Variants in PDS5B observed in about 807,000 individuals in gnomAD.
PDS5B encodes the protein PDS5 cohesin associated factor B, also known as sister chromatid cohesion protein PDS5 homolog B.
A neutral mutation model predicts 184.1 loss-of-function variants in PDS5B; 51 were observed. That is an observed-to-expected ratio of 0.28 (90% confidence interval 0.22 to 0.35). The LOEUF (loss-of-function observed/expected upper bound fraction) is 0.35, where lower values mean the gene tolerates loss of function less well. Among genes scored for constraint, PDS5B ranks in the 10% least tolerant of loss-of-function variants. The pLI, the probability that PDS5B is intolerant of heterozygous loss-of-function variation, is 1.00. For missense variants in PDS5B, 1,180 were observed against 1,723.3 expected, an observed-to-expected ratio of 0.68 and a Z score of 5.58; for synonymous variants, 566 against 569.2, an observed-to-expected ratio of 0.99 and a Z score of 0.08.
At chr13:32,690,559 A>G (rs1951520599) in intron 13 of PDS5B, 1 of 152,200 alleles carries the variant, frequency 6.6e-6, no homozygotes, top group Non-Finnish European at 1.5e-5. Flanking sequence ...ACAGAGGAAC[A>G]AAAAATAATT....
At chr13:32,665,715 TAA>T (rs983337329) in intron 6 of PDS5B, among the ~76,000 whole-genome samples, 11 of 151,766 alleles carry the variant, frequency 7.2e-5, no homozygotes, top group African/African-American at 2.7e-4. Flanking sequence ...TTGATTACAT[TAA>T]AAATAAAAGC....
In PDS5B at chr13:32,610,834, G is replaced by C. The variant is rs147398645; in HGVS notation, c.-20+24241G>C. Among the ~76,000 whole-genome samples, 27 of 152,076 alleles carry C rather than the reference G, an allele frequency of 1.8e-4. 1 individual carries two copies. The highest frequency in any genetic ancestry group is 6.3e-4 in the African/African-American group (26 of 41,476). Reference sequence around the variant, plus strand: ...TGGTGAGGATGAAATGAATTAATACGTATTAAGTGGTTAGAATTTTGAGCA... The same window carrying C: ...TGGTGAGGATGAAATGAATTAATACCTATTAAGTGGTTAGAATTTTGAGCA... On this transcript the variant is annotated intron_variant, in intron 1 of 34. Transcript: ENST00000315596.
At chr13:32,763,613 G>T (rs939494753) in intron 30 of PDS5B, 9 of 151,958 alleles carry the variant, frequency 5.9e-5, no homozygotes, top group African/African-American at 2.2e-4. Context: ...GATGTGAACA[G>T]TTAGGGAAAG....
chr13:32,629,923 A>G (rs991329924), intron 1 of PDS5B, among the ~76,000 whole-genome samples: 3 of 152,212 alleles, frequency 2.0e-5, no homozygotes, highest in African/African-American at 2.4e-5. Context: ...CTTTCAGCAA[A>G]TTCAGTGACT....
intron 1 of PDS5B, among the ~76,000 whole-genome samples, chr13:32,590,779 GT>G (rs1207601582): frequency 6.6e-6 from 1 of 152,092 alleles, no homozygotes; most frequent in African/African-American, 2.4e-5. Context: ...GGTAGTTTCA[GT>G]TAGCTTTCAG....
intron 1 of PDS5B, among the ~76,000 whole-genome samples, chr13:32,592,318 G>C (rs986967064): frequency 6.7e-6 from 1 of 149,380 alleles, no homozygotes; most frequent in Non-Finnish European, 1.5e-5. Context: ...GCAGTGGTGT[G>C]ATCTCGGCTC....
intron 25 of PDS5B, among the ~76,000 whole-genome samples, chr13:32,754,675 TAATC>T (rs1388158473): frequency 9.2e-5 from 14 of 152,160 alleles, no homozygotes; most frequent in Non-Finnish European, 1.0e-4. Context: ...GCAGATTACT[TAATC>T]ATTTGTGCCC....
At chr13:32,726,734 C>T (rs1018168350) in intron 19 of PDS5B, among the ~76,000 whole-genome samples, 1 of 151,994 alleles carries the variant, frequency 6.6e-6, no homozygotes, top group Non-Finnish European at 1.5e-5. Flanking sequence ...CATTTTTAGT[C>T]TTCCTGGGAC....
intron 19 of PDS5B, among the ~76,000 whole-genome samples, chr13:32,714,555 T>C (rs1223955971): frequency 6.6e-6 from 1 of 152,104 alleles, no homozygotes; most frequent in Non-Finnish European, 1.5e-5. Context: ...CAGGCGCACC[T>C]GGGGGGGCTG....
chr13:32,661,202 G>A (rs1218003356), intron 6 of PDS5B, among the ~76,000 whole-genome samples: 12 of 151,794 alleles, frequency 7.9e-5, no homozygotes, highest in Admixed American at 7.9e-4. Context: ...TGGCCAACAT[G>A]GTGAAACCCT....
chr13:32,771,945 A>G (rs895393631), intron 33 of PDS5B, among the ~76,000 whole-genome samples: 1 of 121,628 alleles, frequency 8.2e-6, no homozygotes, highest in African/African-American at 3.3e-5. Context: ...AGTATTTCTT[A>G]AAAAAAAAAA....
chr13:32,756,097 T>G, intron 26 of PDS5B, 141 bp downstream of exon 26: 1 of 500,056 alleles, frequency 2.0e-6, no homozygotes, highest in Non-Finnish European at 3.6e-6. Flanking sequence ...TGCTCTCTTG[T>G]CTTTCTTTTT....
At chr13:32,768,192 A>G (rs1392468694) in intron 31 of PDS5B, among the ~76,000 whole-genome samples, 1 of 152,204 alleles carries the variant, frequency 6.6e-6, no homozygotes, top group Non-Finnish European at 1.5e-5. Flanking sequence ...GGCTGGAAGT[A>G]CAAGATCAAG....
chr13:32,742,457 T>A, intron 22 of PDS5B, 134 bp from the exon 23 acceptor site: 1 of 650,546 alleles, frequency 1.5e-6, no homozygotes, highest in Non-Finnish European at 2.6e-6. Flanking sequence ...GAGATTATCT[T>A]CATATATACA....
intron 17 of PDS5B, among the ~76,000 whole-genome samples, chr13:32,702,622 TTC>T (rs1951894438): frequency 6.6e-6 from 1 of 152,172 alleles, no homozygotes; most frequent in South Asian, 2.1e-4. Flanking sequence ...ATGGGTAAGA[TTC>T]TGTTTTTATA....
chr13:32,610,834 G>A (rs147398645), intron 1 of PDS5B, among the ~76,000 whole-genome samples: 6 of 152,076 alleles, frequency 3.9e-5, no homozygotes, highest in African/African-American at 7.2e-5. Context: ...GAATTAATAC[G>A]TATTAAGTGG....
At chr13:32,593,661 C>T (rs1238724920) in intron 1 of PDS5B, among the ~76,000 whole-genome samples, 2 of 152,102 alleles carry the variant, frequency 1.3e-5, no homozygotes, top group African/African-American at 4.8e-5. Flanking sequence ...ATTCTTAAAG[C>T]AAGCTAGAGA....
intron 1 of PDS5B, among the ~76,000 whole-genome samples, chr13:32,623,560 A>G (rs1244256760): frequency 6.6e-6 from 1 of 152,226 alleles, no homozygotes; most frequent in East Asian, 1.9e-4. Flanking sequence ...AAAGGCAATT[A>G]GCTTGTGAGG....
At chr13:32,683,830 A>AT (rs750550550) in intron 10 of PDS5B, 48 bp from the exon 11 acceptor site, 2 of 1,299,440 alleles carry the variant, frequency 1.5e-6, no homozygotes, top group Non-Finnish European at 2.2e-6. Flanking sequence ...TGTTTTAAAA[A>AT]TATTTTAGTT....
Sources: allele counts gnomAD v4.1 joint callset (sites outside exome capture counted in the v4.1 genomes callset), GRCh38; gene constraint gnomAD v4.1.1; transcripts MANE v1.5; gene names NCBI Gene and HGNC (gene_info 2026-07-23, HGNC 2026-07-21).